NHS: variants seen among roughly 807,000 people sequenced by gnomAD.
NHS encodes NHS actin remodeling regulator.
In NHS, 5 loss-of-function variants were observed where a neutral mutation model predicts 72.5. The ratio of observed to expected loss-of-function variants is 0.07; its 90% CI spans 0.04 to 0.14. The LOEUF (loss-of-function observed/expected upper bound fraction) is 0.14, where lower values mean the gene tolerates loss of function less well. NHS is among the 10% of genes least tolerant of loss of function. The probability of loss-of-function intolerance (pLI) is 1.00; values close to 1 mark genes in which losing one functional copy is unlikely to be tolerated. For synonymous variants in NHS, 464 were observed against 547.7 expected (o/e 0.85, Z 2.13); for missense variants, 1,072 against 1,355.7 (o/e 0.79, Z 3.29).
intron 1 of NHS, among the ~76,000 whole-genome samples, chrX:17,483,001 G>T (rs775461819): frequency 1.9e-3 from 204 of 105,739 alleles, no homozygotes; most frequent in South Asian, 0.012. Context: ...TTTCCAGGGG[G>T]CATCTGCTCC....
At chrX:17,722,065 A>G (rs2066409828) in intron 5 of NHS, among the ~76,000 whole-genome samples, 1 of 112,210 alleles carries the variant, frequency 8.9e-6, no homozygotes, top group Non-Finnish European at 1.9e-5. Context: ...CTTTTTAAAA[A>G]AGACTGTTAA....
At chrX:17,677,310 G>C (rs1291019806) in intron 1 of NHS, among the ~76,000 whole-genome samples, 2 of 111,994 alleles carry the variant, frequency 1.8e-5, no homozygotes, top group African/African-American at 6.5e-5. Context: ...GAACAATTAT[G>C]AATCCTCTGC....
chrX:17,441,974 C>T (rs2064757276), intron 1 of NHS, among the ~76,000 whole-genome samples: 1 of 111,795 alleles, frequency 8.9e-6, no homozygotes, highest in South Asian at 3.7e-4. Context: ...GATGTTTGGG[C>T]TCACCACCCC....
At chrX:17,719,136 AAAGGAAGGAATAATAAGGAGAAGG>A in intron 3 of NHS, 184 bp from the exon 4 acceptor site, 1 of 328,607 alleles carries the variant, frequency 3.0e-6, no homozygotes, top group South Asian at 8.2e-5. Flanking sequence ...TAAGGAGAAG[AAAGGAAGGAATAATAAGGAGAAGG>A]AAGGAATAAT....
intron 1 of NHS, among the ~76,000 whole-genome samples, chrX:17,684,375 T>C (rs763549499): frequency 9.8e-5 from 11 of 112,069 alleles, no homozygotes; most frequent in Admixed American, 2.8e-4. Context: ...AGTCTGGGTA[T>C]GAGTTGACTG....
chrX:17,379,813 A>G (rs186967262), intron 1 of NHS, among the ~76,000 whole-genome samples: 1 of 112,236 alleles, frequency 8.9e-6, no homozygotes, highest in African/African-American at 3.2e-5. Flanking sequence ...AGAATGTATT[A>G]CCATTTGTAG....
intron 1 of NHS, among the ~76,000 whole-genome samples, chrX:17,654,184 C>T (rs1489603757): frequency 1.8e-5 from 2 of 112,140 alleles, no homozygotes; most frequent in African/African-American, 6.5e-5. Context: ...TGGGGCCCTT[C>T]CCCCCTTCCA....
intron 1 of NHS, among the ~76,000 whole-genome samples, chrX:17,579,688 G>A (rs6527812): frequency 0.21 from 23,169 of 110,672 alleles, 5,428 homozygotes; most frequent in African/African-American, 0.69. Context: ...TGAGTGCCCT[G>A]CCCCTATCCC....
intron 1 of NHS, among the ~76,000 whole-genome samples, chrX:17,396,156 C>A (rs1412217077): frequency 8.9e-6 from 1 of 111,750 alleles, no homozygotes. Flanking sequence ...AGGGTATATA[C>A]CAAATCAGTA....
At chrX:17,552,418 T>C (rs372654395) in intron 1 of NHS, 3 of 111,725 alleles carry the variant, frequency 2.7e-5, no homozygotes, top group Admixed American at 1.9e-4. Flanking sequence ...GCTGTAGGGA[T>C]TGGCTCAGCA....
intron 1 of NHS, among the ~76,000 whole-genome samples, chrX:17,468,061 A>G (rs1298735906): frequency 9.0e-6 from 1 of 111,426 alleles, no homozygotes; most frequent in Non-Finnish European, 1.9e-5. Context: ...TATTAAGAAC[A>G]TGTAAAAAAT....
intron 1 of NHS, among the ~76,000 whole-genome samples, chrX:17,642,226 G>A (rs2065885256): frequency 2.7e-5 from 3 of 112,311 alleles, no homozygotes; most frequent in South Asian, 3.7e-4. Flanking sequence ...GATTACAGGC[G>A]TGAGCCGCCA....
At chrX:17,394,677 G>A (rs760729853) in intron 1 of NHS, among the ~76,000 whole-genome samples, 1 of 111,422 alleles carries the variant, frequency 9.0e-6, no homozygotes, top group South Asian at 3.8e-4. Context: ...TTTTCTGTAG[G>A]TGACAGCTAA....
Position 17,664,910 on chromosome X carries a change from C to T in NHS, c.566-22832C>T, listed in dbSNP as rs914559536. On this transcript the variant is annotated intron_variant, in intron 1 of 8. Coordinates refer to ENST00000676302, the MANE Select transcript of NHS (RefSeq NM_001291867.2). ...AGTTTGCAGATTTTAGTGTAGAGGA[C>T]TTGTATATTTTCTGTTAGATTTGTT... is the stretch of plus-strand genomic sequence containing the variant. Among the ~76,000 whole-genome samples the T allele has an allele frequency of 3.1e-4, 34 of 110,914 alleles. 1 individual carries two copies. Among genetic ancestry groups the T allele is most frequent in the African/African-American group, 1.1e-3 (33 of 30,572 alleles).
chrX:17,448,138 G>T (rs113101205), intron 1 of NHS, among the ~76,000 whole-genome samples: 1,623 of 111,572 alleles, frequency 0.015, 35 homozygotes, highest in African/African-American at 0.05. Flanking sequence ...ATATATTACA[G>T]GATATTTGTA....
chrX:17,571,697 G>C (rs1185014028), intron 1 of NHS, among the ~76,000 whole-genome samples: 1 of 111,493 alleles, frequency 9.0e-6, no homozygotes, highest in South Asian at 3.7e-4. Flanking sequence ...GTTATTTCTT[G>C]TCTTCTGCTA....
At chrX:17,488,681 A>T (rs2064977206) in intron 1 of NHS, among the ~76,000 whole-genome samples, 1 of 112,185 alleles carries the variant, frequency 8.9e-6, no homozygotes, top group African/African-American at 3.2e-5. Flanking sequence ...GCTTCTTATT[A>T]ACCCACGAAT....
At chrX:17,661,356 C>A (rs1044570909) in intron 1 of NHS, among the ~76,000 whole-genome samples, 1 of 110,977 alleles carries the variant, frequency 9.0e-6, no homozygotes, top group Non-Finnish European at 1.9e-5. Flanking sequence ...CTGCACCCAT[C>A]AACCCATCAT....
chrX:17,591,942 G>A (rs2065604896), intron 1 of NHS, among the ~76,000 whole-genome samples: 1 of 111,272 alleles, frequency 9.0e-6, no homozygotes, highest in Non-Finnish European at 1.9e-5. Context: ...GTGGTTCCTG[G>A]ATAGTCTTGT....
Sources: gnomAD v4.1 joint callset for allele counts (sites outside exome capture counted in the v4.1 genomes callset) on GRCh38, gnomAD v4.1.1 for gene constraint, MANE v1.5 for transcripts, NCBI Gene and HGNC (gene_info 2026-07-23, HGNC 2026-07-21) for gene names.